The following ENAH variants were observed in gnomAD, a reference collection of about 807,000 sequenced individuals.
ENAH encodes the protein protein enabled homolog.
In ENAH, 23 loss-of-function variants were observed where a neutral mutation model predicts 78.7. That is an observed-to-expected ratio of 0.29 (90% CI 0.21 to 0.41). ENAH has a LOEUF of 0.41. Among genes scored for constraint, ENAH ranks in the 10% least tolerant of loss-of-function variants. ENAH has a pLI of 1.00. For missense variants in ENAH, 544 were observed against 691.0 expected, an observed-to-expected ratio of 0.79 and a Z score of 2.39; for synonymous variants, 226 against 241.0, an observed-to-expected ratio of 0.94 and a Z score of 0.58.
chr1:225,538,443 T>C (rs2151308167), intron 3 of ENAH, among the ~76,000 whole-genome samples: 1 of 152,180 alleles, frequency 6.6e-6, no homozygotes, highest in Non-Finnish European at 1.5e-5. Flanking sequence ...TTCAAAAATA[T>C]TATTTCAAAT....
chr1:225,528,494 G>A (rs960557549), intron 4 of ENAH, among the ~76,000 whole-genome samples: 1 of 152,200 alleles, frequency 6.6e-6, no homozygotes, highest in African/African-American at 2.4e-5. Flanking sequence ...CATAAGGAAT[G>A]CTGAGCAGGG....
intron 1 of ENAH, among the ~76,000 whole-genome samples, chr1:225,616,626 A>C (rs983173587): frequency 6.6e-6 from 1 of 152,184 alleles, no homozygotes; most frequent in African/African-American, 2.4e-5. Flanking sequence ...ATATTCTTCT[A>C]GGAAAAGATA....
chr1:225,583,840 G>T (rs2096832000), intron 1 of ENAH, among the ~76,000 whole-genome samples: 1 of 149,124 alleles, frequency 6.7e-6, no homozygotes. Flanking sequence ...AGAAAGAAAA[G>T]AAATGAAGAG....
intron 1 of ENAH, among the ~76,000 whole-genome samples, chr1:225,591,764 C>CA (rs55680042): frequency 0.11 from 4,420 of 39,190 alleles, 520 homozygotes; most frequent in East Asian, 0.18. Flanking sequence ...GACTCCGTCT[C>CA]AAAAAAAAAA....
intron 1 of ENAH, among the ~76,000 whole-genome samples, chr1:225,651,600 C>T (rs1016037551): frequency 1.3e-5 from 2 of 152,190 alleles, no homozygotes; most frequent in African/African-American, 4.8e-5. Context: ...AACTGTAAGA[C>T]TATCTCTTCC....
chr1:225,609,766 GTGGTTCTCA>G (rs2096978032), intron 1 of ENAH, among the ~76,000 whole-genome samples: 1 of 134,350 alleles, frequency 7.4e-6, no homozygotes, highest in Non-Finnish European at 1.5e-5. Flanking sequence ...TCAGGTTCAA[GTGGTTCTCA>G]TGCCCAGCCT....
intron 1 of ENAH, among the ~76,000 whole-genome samples, chr1:225,578,869 T>C (rs928132463): frequency 1.3e-5 from 2 of 152,162 alleles, no homozygotes; most frequent in African/African-American, 4.8e-5. Context: ...TCTTGGTTTA[T>C]GTTATGAAAG....
intron 2 of ENAH, among the ~76,000 whole-genome samples, chr1:225,561,559 T>C (rs561625071): frequency 2.0e-5 from 3 of 149,310 alleles, no homozygotes; most frequent in Non-Finnish European, 3.0e-5. Flanking sequence ...GAGTTGAAGG[T>C]TGCAGTGAGT....
At chr1:225,626,990 C>A (rs575027105) in intron 1 of ENAH, among the ~76,000 whole-genome samples, 1 of 152,232 alleles carries the variant, frequency 6.6e-6, no homozygotes, top group Admixed American at 6.5e-5. Context: ...GAAAAACACA[C>A]AAATAAAATC....
At chr1:225,538,219 C>T (rs550065325) in intron 3 of ENAH, among the ~76,000 whole-genome samples, 4 of 152,036 alleles carry the variant, frequency 2.6e-5, no homozygotes, top group African/African-American at 7.2e-5. Context: ...CAAAGTTCTA[C>T]GCAATACATT....
At chr1:225,628,062 C>T (rs1259907396) in intron 1 of ENAH, among the ~76,000 whole-genome samples, 1 of 152,162 alleles carries the variant, frequency 6.6e-6, no homozygotes, top group Non-Finnish European at 1.5e-5. Context: ...ACTGGTAAAC[C>T]AGGCTTTCCT....
At chr1:225,508,650 T>C (rs1223728638) in intron 10 of ENAH, 1 of 152,252 alleles carries the variant, frequency 6.6e-6, no homozygotes, top group Middle Eastern at 3.2e-3. Flanking sequence ...CAAAAGACAC[T>C]ATGTAGTCAG....
chr1:225,640,012 A>G (rs1373832958), intron 1 of ENAH, among the ~76,000 whole-genome samples: 2 of 152,214 alleles, frequency 1.3e-5, no homozygotes, highest in African/African-American at 4.8e-5. Flanking sequence ...GCATTTTAAC[A>G]GATTGTAAAT....
chr1:225,600,954 T>G (rs1460397025), intron 1 of ENAH, among the ~76,000 whole-genome samples: 2 of 152,038 alleles, frequency 1.3e-5, no homozygotes, highest in African/African-American at 4.8e-5. Context: ...TTTGTAACAT[T>G]CTTACAACAT....
intron 1 of ENAH, among the ~76,000 whole-genome samples, chr1:225,591,903 G>A (rs1394348865): frequency 1.3e-5 from 2 of 151,890 alleles, no homozygotes; most frequent in African/African-American, 4.8e-5. Flanking sequence ...GCAATCTGAA[G>A]TTAAACCTAA....
intron 1 of ENAH, among the ~76,000 whole-genome samples, chr1:225,615,441 T>C (rs1269400827): frequency 1.3e-5 from 2 of 152,178 alleles, no homozygotes; most frequent in African/African-American, 4.8e-5. Flanking sequence ...AGTGCCGAGA[T>C]TGCAGCCTCT....
chr1:225,620,895 C>T (rs549013023), intron 1 of ENAH, among the ~76,000 whole-genome samples: 3 of 151,824 alleles, frequency 2.0e-5, no homozygotes, highest in Non-Finnish European at 4.4e-5. Flanking sequence ...TTCCCAGCTA[C>T]TCAGGAGGCT....
chr1:225,525,476 G>A (rs1344010037), intron 4 of ENAH, among the ~76,000 whole-genome samples: 1 of 152,122 alleles, frequency 6.6e-6, no homozygotes, highest in African/African-American at 2.4e-5. Context: ...GTCCAACATA[G>A]CAGAACCACG....
At chr1:225,507,572 T>C (rs1347048131) in intron 11 of ENAH, among the ~76,000 whole-genome samples, 3 of 152,100 alleles carry the variant, frequency 2.0e-5, no homozygotes, top group Non-Finnish European at 4.4e-5. Flanking sequence ...AAAGTGTGGA[T>C]AGGTAGATAT....
Sources: gnomAD v4.1 joint callset for allele counts (sites outside exome capture counted in the v4.1 genomes callset) on GRCh38, gnomAD v4.1.1 for gene constraint, MANE v1.5 for transcripts, NCBI Gene and HGNC (gene_info 2026-07-23, HGNC 2026-07-21) for gene names.